ANO4: variants seen among roughly 807,000 people sequenced by gnomAD.
ANO4 encodes anoctamin-4.
ANO4 carries 69 observed loss-of-function variants against 141.9 expected under a neutral mutation model. The ratio of observed to expected loss-of-function variants is 0.49; its 90% CI spans 0.40 to 0.59. The LOEUF (loss-of-function observed/expected upper bound fraction) is 0.59. ANO4 is among the 20% of genes least tolerant of loss of function. ANO4 has a pLI of 0.00. For synonymous variants in ANO4, 350 were observed against 394.3 expected (o/e 0.89, Z 1.33); for missense variants, 894 against 1,162.2 (o/e 0.77, Z 3.36).
At chr12:100,988,865 T>A (rs1814853) in intron 8 of ANO4, among the ~76,000 whole-genome samples, 2 of 131,698 alleles carry the variant, frequency 1.5e-5, no homozygotes, top group East Asian at 2.3e-4. Context: ...AGTGAGACTC[T>A]GTCTCAGAAA....
intron 8 of ANO4, among the ~76,000 whole-genome samples, chr12:101,019,318 G>C (rs529678628): frequency 2.0e-5 from 3 of 152,226 alleles, no homozygotes; most frequent in Admixed American, 1.3e-4. Context: ...AGCTCTATCT[G>C]CTACCTAGAA....
chr12:100,990,910 G>A (rs2045066859), intron 8 of ANO4, among the ~76,000 whole-genome samples: 1 of 152,140 alleles, frequency 6.6e-6, no homozygotes, highest in South Asian at 2.1e-4. Context: ...ACCACAAGTA[G>A]CCTTCTCTGA....
chr12:100,756,765 C>G (rs746772837), intron 3 of ANO4, among the ~76,000 whole-genome samples: 10 of 151,496 alleles, frequency 6.6e-5, no homozygotes, highest in Non-Finnish European at 1.2e-4. Flanking sequence ...TGTTCTACTT[C>G]TTCTTTTCCT....
chr12:100,970,242 A>G (rs1328097925), intron 5 of ANO4, among the ~76,000 whole-genome samples: 1 of 152,158 alleles, frequency 6.6e-6, no homozygotes, highest in Non-Finnish European at 1.5e-5. Flanking sequence ...TTTATTCTCT[A>G]TGAAACAGCC....
At chr12:100,990,978 A>G (rs1378477301) in intron 8 of ANO4, among the ~76,000 whole-genome samples, 1 of 152,166 alleles carries the variant, frequency 6.6e-6, no homozygotes, top group Non-Finnish European at 1.5e-5. Context: ...AGAGTGATCA[A>G]TGGAAGATGA....
chr12:100,840,839 G>A (rs2037203540), intron 1 of ANO4, among the ~76,000 whole-genome samples: 1 of 152,074 alleles, frequency 6.6e-6, no homozygotes, highest in Non-Finnish European at 1.5e-5. Flanking sequence ...CATCTATTAG[G>A]CTATGGAATG....
chr12:101,011,318 CT>C (rs59483191), intron 8 of ANO4, among the ~76,000 whole-genome samples: 24 of 110,666 alleles, frequency 2.2e-4, no homozygotes, highest in Admixed American at 3.6e-4. Flanking sequence ...GGCCTTTTTT[CT>C]TTTTTTTTTT....
intron 14 of ANO4, among the ~76,000 whole-genome samples, chr12:101,050,922 A>G (rs1295718241): frequency 1.3e-5 from 2 of 152,200 alleles, no homozygotes; most frequent in Non-Finnish European, 2.9e-5. Flanking sequence ...TAATGCTTCT[A>G]TATAAGAGTG....
intron 3 of ANO4, among the ~76,000 whole-genome samples, chr12:100,744,061 G>T: frequency 6.6e-6 from 1 of 152,042 alleles, no homozygotes; most frequent in Non-Finnish European, 1.5e-5. Context: ...ATCCCCAGCT[G>T]CATACTGATG....
rs183882661 is a variant in ANO4, at chr12:101,111,809, A to G, written c.2450+99A>G. The stretch of plus-strand genomic sequence containing the variant: ...GACTGCACTGGAGAATATGGAATAC[A>G]TGCCCAGAAGGAGAGGCCTGTGATA... On this transcript the variant is annotated intron_variant, in intron 24 of 27. Transcript: ENST00000392977. 130 of 1,120,998 alleles carry G rather than the reference A, an allele frequency of 1.2e-4. 2 individuals are homozygous for G. The East Asian group carries it at 2.8e-3, about 24-fold the overall frequency. 69.4% of individuals were successfully genotyped at this position (1,120,998 alleles called of 1,614,324 possible). A position where few individuals can be genotyped will look rare whatever the true frequency, so the allele number is the denominator to read the frequency against.
intron 9 of ANO4, among the ~76,000 whole-genome samples, chr12:101,030,407 TAAA>T (rs2046928580): frequency 6.6e-6 from 1 of 152,132 alleles, no homozygotes; most frequent in South Asian, 2.1e-4. Context: ...AAGGCAGAAA[TAAA>T]GAAGTTCTTT....
chr12:100,908,330 C>T lies in ANO4; in HGVS notation c.55+6490C>T, dbSNP rs545638486. On this transcript the variant is annotated intron_variant, in intron 2 of 27. Transcript: ENST00000392977. ...CGCCGCTGCACTGCAGCCTGGGCAA[C>T]GAGCAAAACTCTGTCTCAAAAAAAC... Among the ~76,000 whole-genome samples, 12 of 152,172 alleles carry T rather than the reference C, an allele frequency of 7.9e-5. No homozygotes were observed. The East Asian group carries it at 1.5e-3, about 20-fold the overall frequency.
At chr12:100,850,491 AT>A (rs149114569) in intron 1 of ANO4, among the ~76,000 whole-genome samples, 4,106 of 152,000 alleles carry the variant, frequency 0.027, 202 homozygotes, top group African/African-American at 0.094. Flanking sequence ...GAGGATCTAA[AT>A]TTTTTTCTTA....
intron 9 of ANO4, among the ~76,000 whole-genome samples, chr12:101,031,064 A>T (rs1257237468): frequency 1.3e-5 from 2 of 151,942 alleles, no homozygotes; most frequent in Non-Finnish European, 2.9e-5. Flanking sequence ...AAAAAGAGGG[A>T]CTCCTCCCTA....
intron 25 of ANO4, among the ~76,000 whole-genome samples, chr12:101,117,510 A>G (rs1157624689): frequency 6.6e-6 from 1 of 152,222 alleles, no homozygotes; most frequent in Non-Finnish European, 1.5e-5. Context: ...TTACTTGTGC[A>G]CAGTTCTTGA....
At chr12:100,882,424 C>A (rs1419729979) in intron 1 of ANO4, among the ~76,000 whole-genome samples, 1 of 152,152 alleles carries the variant, frequency 6.6e-6, no homozygotes, top group Non-Finnish European at 1.5e-5. Flanking sequence ...TAGATGATAT[C>A]ATCATCTCTA....
chr12:101,095,570 C>A (rs1312179188), intron 18 of ANO4, among the ~76,000 whole-genome samples: 1 of 152,178 alleles, frequency 6.6e-6, no homozygotes, highest in Non-Finnish European at 1.5e-5. Context: ...ACATTTTAAA[C>A]CATTTTAAAT....
intron 7 of ANO4, 74 bp downstream of exon 7, chr12:100,974,963 A>G (rs963913200): frequency 1.9e-5 from 29 of 1,540,382 alleles, no homozygotes; most frequent in Non-Finnish European, 2.5e-5. Flanking sequence ...ACAAGGAGCT[A>G]TAAGCTGGGG....
intron 13 of ANO4, chr12:101,048,038 G>A (rs1053727493): frequency 1.0e-4 from 116 of 1,131,308 alleles, no homozygotes; most frequent in Middle Eastern, 3.8e-4. Flanking sequence ...ACATATGTAC[G>A]TGTATAAGAG....
Sources: allele counts gnomAD v4.1 joint callset (sites outside exome capture counted in the v4.1 genomes callset), GRCh38; gene constraint gnomAD v4.1.1; transcripts MANE v1.5; gene names NCBI Gene and HGNC (gene_info 2026-07-23, HGNC 2026-07-21).